PDZD9: variants seen among roughly 807,000 people sequenced by gnomAD.
PDZD9 encodes the protein PDZ domain containing 9, also known as PDZ domain-containing protein 9.
PDZD9 carries 13 observed loss-of-function variants against 16.3 expected under a neutral mutation model. The ratio of observed to expected loss-of-function variants is 0.80; its 90% CI spans 0.52 to 1.27. The LOEUF is 1.27. PDZD9 is among the 50% of genes most tolerant of loss of function. PDZD9 has a pLI of 0.00. For synonymous variants in PDZD9, 120 were observed against 111.0 expected (o/e 1.08, Z -0.51); for missense variants, 288 against 310.9 (o/e 0.93, Z 0.55).
the PDZD9 span, among the ~76,000 whole-genome samples, chr16:21,961,626 T>TATATATATATATATA: frequency 1.6e-5 from 1 of 64,476 alleles, no homozygotes; most frequent in Non-Finnish European, 4.3e-5. Flanking sequence ...AACATAAAAT[T>TATATATATATATATA]TATATATATA....
rs144871543 is a variant in PDZD9, at chr16:21,988,492, C to T, written c.401+110G>A. 3.9e-4 allele frequency: 347 copies of T among 893,672 alleles called. 2 individuals are homozygous for T. In the African/African-American group the frequency reaches 5.5e-3, roughly 14 times the overall value. 55.4% of individuals were successfully genotyped at this position (893,672 alleles called of 1,614,324 possible). ...AAATTACTCTGACAGTGTCACCAGT[C>T]CTCCTGTCATGATCCTTATCATTTG... On this transcript the variant is annotated intron_variant, in intron 3 of 3. Transcript: ENST00000424898.
chr16:21,963,413 T>A, the PDZD9 span, among the ~76,000 whole-genome samples: 3 of 152,174 alleles, frequency 2.0e-5, no homozygotes, highest in Non-Finnish European at 4.4e-5. Context: ...GTAAGTAAAT[T>A]GTTTGTAAGA....
the PDZD9 span, chr16:21,958,415 G>T: frequency 7.3e-4 from 617 of 842,642 alleles, 2 homozygotes; most frequent in Admixed American, 1.5e-3. Flanking sequence ...TAACTAAAAA[G>T]GATGCAGGAA....
At chr16:21,967,823 C>T in the PDZD9 span, among the ~76,000 whole-genome samples, 11 of 152,032 alleles carry the variant, frequency 7.2e-5, no homozygotes, top group South Asian at 1.5e-3. Flanking sequence ...CAAAGATGGA[C>T]GAGAAGGGTG....
At chr16:21,962,927 G>C in the PDZD9 span, 1 of 1,560,130 alleles carries the variant, frequency 6.4e-7, no homozygotes, top group Non-Finnish European at 8.7e-7. Flanking sequence ...AAGATACTGG[G>C]TTTTTTAGAA....
the PDZD9 span, among the ~76,000 whole-genome samples, chr16:21,978,171 G>A: frequency 6.6e-6 from 1 of 152,198 alleles, no homozygotes; most frequent in Non-Finnish European, 1.5e-5. Context: ...TTTCTTGTAA[G>A]TTCTTCCTGT....
At position 21,984,471 on chromosome 16, in the gene PDZD9, A is replaced by G. The variant is rs773418811; in HGVS notation, c.591T>C (p.Ser197=). The G allele has an allele frequency of 1.2e-6, 2 of 1,613,112 alleles. No individual in the cohort carries two copies. The highest frequency in any genetic ancestry group is 1.7e-5 in the Admixed American group (1 of 59,988). The change falls in exon 4 of 4, where the codon AGT becomes AGC. Residue 197 remains serine (S), a synonymous_variant. Transcript: ENST00000424898. ...HGYKKKNHTI[S]VGKDINCDVM... Reference sequence around the variant, plus strand: ...CGTCACAATTAATGTCTTTTCCTACACTAATAGTATGGTTCTTCTTCTTAT... The same window carrying G: ...CGTCACAATTAATGTCTTTTCCTACGCTAATAGTATGGTTCTTCTTCTTAT...
intron 3 of PDZD9, among the ~76,000 whole-genome samples, chr16:21,987,086 A>AT (rs1406770967): frequency 6.6e-6 from 1 of 152,100 alleles, no homozygotes; most frequent in African/African-American, 2.4e-5. Context: ...GTCTTAAGAG[A>AT]TTTTTTGCAG....
At chr16:21,985,342 G>A (rs1898851943) in intron 3 of PDZD9, among the ~76,000 whole-genome samples, 1 of 151,908 alleles carries the variant, frequency 6.6e-6, no homozygotes, top group Non-Finnish European at 1.5e-5. Context: ...ATCTCCCTAT[G>A]TTGCCCATGC....
At chr16:21,980,605 G>A (rs1898698935), downstream of PDZD9, 1 of 1,614,104 alleles carries the variant, frequency 6.2e-7, no homozygotes, top group Non-Finnish European at 8.5e-7. Flanking sequence ...TTTCCTGGAA[G>A]AAGTCGGGTC....
At chr16:21,977,451 G>A in the PDZD9 span, among the ~76,000 whole-genome samples, 1 of 152,002 alleles carries the variant, frequency 6.6e-6, no homozygotes, top group African/African-American at 2.4e-5. Context: ...TTCTACAATA[G>A]TTTCTTTCTT....
intron 3 of PDZD9, among the ~76,000 whole-genome samples, chr16:21,985,882 TTTTC>T (rs767310989): frequency 1.3e-4 from 20 of 152,200 alleles, no homozygotes; most frequent in Non-Finnish European, 2.6e-4. Context: ...TAAATACTGA[TTTTC>T]TTTGTCTGAT....
At chr16:21,974,120 A>G in the PDZD9 span, 2 of 675,680 alleles carry the variant, frequency 3.0e-6, no homozygotes, top group South Asian at 4.5e-5. Context: ...TCATTGAAGC[A>G]TTATCTGCTA....
At chr16:21,999,940 G>A (rs1431568960) in intron 1 of PDZD9, among the ~76,000 whole-genome samples, 2 of 152,212 alleles carry the variant, frequency 1.3e-5, no homozygotes, top group African/African-American at 4.8e-5. Context: ...TGGAGGCTGA[G>A]GGGCAAGAAT....
chr16:21,971,794 G>T, the PDZD9 span: 1 of 1,381,726 alleles, frequency 7.2e-7, no homozygotes, highest in South Asian at 1.3e-5. Context: ...GGGACAGGAT[G>T]GCATGGGGAA....
At chr16:21,961,140 A>G in the PDZD9 span, among the ~76,000 whole-genome samples, 2 of 152,056 alleles carry the variant, frequency 1.3e-5, no homozygotes, top group African/African-American at 4.8e-5. Flanking sequence ...GATTTTTTAT[A>G]TATTGTGTTG....
the PDZD9 span, chr16:21,962,403 A>G: frequency 6.3e-7 from 1 of 1,595,788 alleles, no homozygotes; most frequent in Non-Finnish European, 8.6e-7. Flanking sequence ...GAAGATTATA[A>G]GGGAAAGCTT....
At chr16:21,966,231 G>C in the PDZD9 span, among the ~76,000 whole-genome samples, 1 of 151,848 alleles carries the variant, frequency 6.6e-6, no homozygotes, top group African/African-American at 2.4e-5. Context: ...TGGTCTCTCT[G>C]AATTTGTAAA....
the PDZD9 span, chr16:21,965,520 T>C: frequency 6.5e-7 from 1 of 1,534,088 alleles, no homozygotes; most frequent in Non-Finnish European, 8.8e-7. Flanking sequence ...CAATAAAACA[T>C]ATTTTGAAAT....
Sources: allele counts gnomAD v4.1 joint callset (sites outside exome capture counted in the v4.1 genomes callset), GRCh38; gene constraint gnomAD v4.1.1; transcripts MANE v1.5; gene names NCBI Gene and HGNC (gene_info 2026-07-23, HGNC 2026-07-21).